The following PCBP3 variants were observed in gnomAD, a reference collection of about 807,000 sequenced individuals.
PCBP3 encodes the protein poly(rC)-binding protein 3.
PCBP3 carries 25 observed loss-of-function variants against 52.7 expected under a neutral mutation model. The observed-to-expected ratio is 0.47, with a 90% CI of 0.35 to 0.66. PCBP3 has a LOEUF of 0.66. PCBP3 is among the 30% of genes least tolerant of loss of function. PCBP3 has a pLI of 0.01. For missense variants in PCBP3, 391 were observed against 490.3 expected (o/e 0.80, Z 1.91); for synonymous variants, 162 against 183.0 (o/e 0.89, Z 0.93).
rs117201199 is a variant in PCBP3 at position 45,823,510 on chromosome 21, C to T, written c.-125-26451C>T. On this transcript the variant is annotated intron_variant, in intron 4 of 17. Transcript: ENST00000681687. Reference sequence around the variant, plus strand: ...TTCCCTTTCATGTCCCGCAGAACCACGCGTGTCCGTTCTTCTGAGAGTTTT... The same window carrying T: ...TTCCCTTTCATGTCCCGCAGAACCATGCGTGTCCGTTCTTCTGAGAGTTTT... Among the ~76,000 whole-genome samples, 859 of 152,230 alleles carry T rather than the reference C, an allele frequency of 5.6e-3. 6 individuals carry two copies. The highest frequency in any genetic ancestry group is 9.4e-3 in the Non-Finnish European group (636 of 68,018).
intron 16 of PCBP3, among the ~76,000 whole-genome samples, chr21:45,937,212 A>T (rs2076977787): frequency 6.6e-6 from 1 of 152,228 alleles, no homozygotes; most frequent in African/African-American, 2.4e-5. Flanking sequence ...GCAGAAAGAC[A>T]CTGCTTGGAG....
intron 4 of PCBP3, among the ~76,000 whole-genome samples, chr21:45,795,836 A>G (rs2091895811): frequency 6.6e-6 from 1 of 152,246 alleles, no homozygotes; most frequent in South Asian, 2.1e-4. Flanking sequence ...TTCGATCAAG[A>G]AAGAGAAGGT....
chr21:45,874,596 C>G (rs1170919051), intron 5 of PCBP3, among the ~76,000 whole-genome samples: 1 of 151,238 alleles, frequency 6.6e-6, no homozygotes, highest in Non-Finnish European at 1.5e-5. Flanking sequence ...ACCTCGGGCT[C>G]CCAGGTTCAA....
chr21:45,688,138 A>G (rs2082259790), intron 2 of PCBP3, among the ~76,000 whole-genome samples: 1 of 152,266 alleles, frequency 6.6e-6, no homozygotes, highest in Admixed American at 6.5e-5. Context: ...AATTAAAAGT[A>G]GAAATAAGAC....
chr21:45,748,157 T>G (rs2087080221), intron 3 of PCBP3: 1 of 152,648 alleles, frequency 6.6e-6, no homozygotes. Context: ...TCAGCATTTC[T>G]GTGTGCTTTT....
chr21:45,820,653 G>A (rs755713038), intron 4 of PCBP3, among the ~76,000 whole-genome samples: 1 of 152,194 alleles, frequency 6.6e-6, no homozygotes, highest in African/African-American at 2.4e-5. Context: ...CAGACCCCTG[G>A]GTTAGAGCCA....
rs2085972725 is a variant in PCBP3 at position 45,737,536 on chromosome 21, A to G, written c.-162+2107A>G. Among the ~76,000 whole-genome samples, 1 of 152,160 alleles carries G rather than the reference A, an allele frequency of 6.6e-6. No homozygotes were observed. The highest frequency in any genetic ancestry group is 2.1e-4 in the South Asian group (1 of 4,832). On this transcript the variant is annotated intron_variant, in intron 3 of 17. Coordinates refer to ENST00000681687, the MANE Select transcript of PCBP3 (RefSeq NM_001384156.1). The surrounding 1 kb of genome is among the most constrained non-coding windows in gnomAD (Gnocchi z 4.9). The stretch of plus-strand genomic sequence containing the variant: ...CTTCAGACCCAGCCTACAGTTCTGG[A>G]AATAAACCAGCGTGCTGGGGTGGGG...
intron 16 of PCBP3, among the ~76,000 whole-genome samples, chr21:45,937,687 C>T (rs2077021564): frequency 6.6e-6 from 1 of 152,216 alleles, no homozygotes; most frequent in Non-Finnish European, 1.5e-5. Context: ...CTGCTAACTG[C>T]TGGCAGGGTT....
chr21:45,774,388 C>T (rs1371444739), intron 4 of PCBP3, among the ~76,000 whole-genome samples: 1 of 108,798 alleles, frequency 9.2e-6, no homozygotes, highest in East Asian at 2.5e-4. Flanking sequence ...GACTCCATCT[C>T]AAAAAAAAAA....
chr21:45,815,834 G>C (rs1603442293), intron 4 of PCBP3, among the ~76,000 whole-genome samples: 3 of 125,926 alleles, frequency 2.4e-5, no homozygotes, highest in Non-Finnish European at 5.0e-5. Context: ...AGTGGTGAGT[G>C]AGTGGTGAGT....
At chr21:45,740,184 T>A (rs2086319031) in intron 3 of PCBP3, among the ~76,000 whole-genome samples, 1 of 152,164 alleles carries the variant, frequency 6.6e-6, no homozygotes, top group African/African-American at 2.4e-5. Flanking sequence ...TTTCCTCCCT[T>A]GGCCTTTCCT....
chr21:45,657,107 T>C (rs1254294671), intron 1 of PCBP3, among the ~76,000 whole-genome samples: 1 of 152,172 alleles, frequency 6.6e-6, no homozygotes, highest in African/African-American at 2.4e-5. Flanking sequence ...AGGTGTGAAC[T>C]ACCGTGCCCA....
At chr21:45,923,748 CAAAT>C (rs2074830478) in intron 13 of PCBP3, among the ~76,000 whole-genome samples, 1 of 152,220 alleles carries the variant, frequency 6.6e-6, no homozygotes, top group African/African-American at 2.4e-5. Flanking sequence ...ACAGGATAAA[CAAAT>C]AATACAAATA....
At chr21:45,651,599 T>C (rs1244118570) in intron 1 of PCBP3, among the ~76,000 whole-genome samples, 7 of 152,258 alleles carry the variant, frequency 4.6e-5, no homozygotes, top group Non-Finnish European at 2.9e-5. Flanking sequence ...GGCTGCATAC[T>C]ATTCCAAAGA....
In PCBP3 at chr21:45,679,014, C is replaced by A. The variant is rs557517791; in HGVS notation, c.-200+10062C>A. Among the ~76,000 whole-genome samples, 4 of 151,264 alleles carry A rather than the reference C, an allele frequency of 2.6e-5. No homozygotes were observed. In the South Asian group the frequency reaches 6.3e-4, roughly 24 times the overall value. On this transcript the variant is annotated intron_variant, in intron 2 of 17. Transcript: ENST00000681687. ...AGCCTGATTGATCAGCAGCCACCAACATCCAGGCAAGACCCCACCACTAAA... is the reference window on the plus strand; with the variant it reads ...AGCCTGATTGATCAGCAGCCACCAAAATCCAGGCAAGACCCCACCACTAAA...
intron 4 of PCBP3, among the ~76,000 whole-genome samples, chr21:45,824,719 A>G (rs1293971933): frequency 6.6e-6 from 1 of 152,170 alleles, no homozygotes; most frequent in African/African-American, 2.4e-5. Context: ...GGTAGCAGTA[A>G]CGGTTCCACA....
chr21:45,751,956 T>C (rs1019130585), intron 3 of PCBP3, among the ~76,000 whole-genome samples: 2 of 152,250 alleles, frequency 1.3e-5, no homozygotes, highest in Non-Finnish European at 2.9e-5. Context: ...TACATTTTTC[T>C]ATAGGGTTTT....
Position 45,899,628 on chromosome 21 carries a change from T to C in PCBP3, c.189+6T>C. On this transcript the variant is annotated splice_donor_region_variant and intron_variant, in intron 7 of 17. Transcript: ENST00000681687. ...TTGGAAGCATCATCGGGAAGGTAAT[T>C]ATTGATTGAATCTCTGCCTCTCCTG... The C allele has an allele frequency of 6.2e-7, 1 of 1,606,894 alleles. No homozygotes were observed. Among genetic ancestry groups the C allele is most frequent in the East Asian group, 2.2e-5 (1 of 44,854 alleles).
At chr21:45,895,105 C>T (rs2095791392) in intron 5 of PCBP3, among the ~76,000 whole-genome samples, 1 of 152,200 alleles carries the variant, frequency 6.6e-6, no homozygotes, top group African/African-American at 2.4e-5. Flanking sequence ...TCCCGTCCAC[C>T]CCCTGACACC....
Sources: allele counts gnomAD v4.1 joint callset (sites outside exome capture counted in the v4.1 genomes callset), GRCh38; gene constraint gnomAD v4.1.1; non-coding constraint Gnocchi (gnomAD v3.1); transcripts MANE v1.5; gene names NCBI Gene and HGNC (gene_info 2026-07-23, HGNC 2026-07-21).